The following MGAM variants were observed in gnomAD, a reference collection of about 807,000 sequenced individuals.
MGAM encodes alpha-1,4-glucosidase.
In MGAM, 253 loss-of-function variants were observed where a neutral mutation model predicts 358.8. That is an observed-to-expected ratio of 0.71 (90% CI 0.64 to 0.78). The LOEUF (loss-of-function observed/expected upper bound fraction) is 0.78. MGAM is among the 30% of genes least tolerant of loss of function. The pLI is 0.00. For synonymous variants in MGAM, 1,105 were observed against 1,227.1 expected (o/e 0.90, Z 2.08); for missense variants, 3,080 against 3,432.6 (o/e 0.90, Z 2.57).
At chr7:142,058,119 C>A in intron 30 of MGAM, 84 bp from the exon 31 acceptor site, 1 of 1,589,154 alleles carries the variant, frequency 6.3e-7, no homozygotes, top group Non-Finnish European at 8.6e-7. Flanking sequence ...GCTTGGGGCA[C>A]AGAAAAATAT....
chr7:142,076,048 T>C (rs577418451), intron 45 of MGAM, among the ~76,000 whole-genome samples, 155 bp from the exon 46 acceptor site: 14 of 146,444 alleles, frequency 9.6e-5, no homozygotes, highest in African/African-American at 3.4e-4. Context: ...AAGTATACAT[T>C]GATGAATGAA....
At chr7:142,098,457 C>T in intron 66 of MGAM, among the ~76,000 whole-genome samples, 1 of 152,030 alleles carries the variant, frequency 6.6e-6, no homozygotes, top group Non-Finnish European at 1.5e-5. Context: ...CAAAGGGGTA[C>T]AAGCAGGGAT....
At chr7:142,003,956 T>A (rs1313725271) in intron 1 of MGAM, among the ~76,000 whole-genome samples, 5 of 151,928 alleles carry the variant, frequency 3.3e-5, no homozygotes, top group Admixed American at 3.3e-4. Context: ...ACATCACTAA[T>A]CATCAGAGAA....
chr7:142,105,806 C>T lies in MGAM; in HGVS notation c.8185-8C>T, dbSNP rs1816816733. 6.2e-7 allele frequency: 1 copy of T among 1,609,924 alleles called. No homozygotes were observed. Among genetic ancestry groups the T allele is most frequent in the South Asian group, 1.1e-5 (1 of 90,796 alleles). On this transcript the variant is annotated splice_polypyrimidine_tract_variant and splice_region_variant and intron_variant, in intron 70 of 70. Coordinates refer to ENST00000475668, the MANE Select transcript of MGAM (RefSeq NM_001365693.1). ...GATGCCCAATTCTTTTCCTTTGGTTCCTAACAGGTATTAAGCATCGATGTG... is the reference window on the plus strand; with the variant it reads ...GATGCCCAATTCTTTTCCTTTGGTTTCTAACAGGTATTAAGCATCGATGTG...
chr7:142,046,405 C>T (rs1435003771), intron 21 of MGAM, among the ~76,000 whole-genome samples: 2 of 151,808 alleles, frequency 1.3e-5, no homozygotes, highest in South Asian at 2.1e-4. Context: ...GGGTCTCATT[C>T]CTCCAGAGAT....
chr7:142,043,472 C>A (rs1223818679), intron 21 of MGAM, among the ~76,000 whole-genome samples: 1 of 63,054 alleles, frequency 1.6e-5, no homozygotes, highest in Non-Finnish European at 2.7e-5. Flanking sequence ...ATTATATATA[C>A]ATATAATATC....
chr7:142,043,930 TATACACATAC>T (rs1237040279), intron 21 of MGAM, among the ~76,000 whole-genome samples: 1 of 119,782 alleles, frequency 8.3e-6, no homozygotes, highest in African/African-American at 3.7e-5. Context: ...ATATACATTA[TATACACATAC>T]GACGTTTAAT....
chr7:142,054,349 T>A (rs573319521), intron 26 of MGAM, among the ~76,000 whole-genome samples: 1 of 152,346 alleles, frequency 6.6e-6, no homozygotes, highest in East Asian at 1.9e-4. Context: ...AGATACCACT[T>A]TCAGCAAGGA....
intron 17 of MGAM, 139 bp from the exon 18 acceptor site, chr7:142,036,684 T>A (rs1554465946): frequency 2.3e-6 from 2 of 862,592 alleles, no homozygotes; most frequent in Non-Finnish European, 3.6e-6. Context: ...TTGGTACTAC[T>A]CAGAAGCGAG....
At chr7:142,032,552 A>G (rs1021057348) in intron 13 of MGAM, among the ~76,000 whole-genome samples, 1 of 152,128 alleles carries the variant, frequency 6.6e-6, no homozygotes, top group African/African-American at 2.4e-5. Flanking sequence ...GAAACATGTC[A>G]TCATATAAAT....
chr7:142,092,843 T>C (rs961066724), intron 59 of MGAM, among the ~76,000 whole-genome samples: 3 of 146,612 alleles, frequency 2.0e-5, no homozygotes, highest in African/African-American at 7.3e-5. Flanking sequence ...TTACGAGTGG[T>C]CATGCCACCA....
At chr7:142,005,805 A>G (rs1464268922) in intron 2 of MGAM, 148 bp downstream of exon 2, 21 of 684,616 alleles carry the variant, frequency 3.1e-5, no homozygotes, top group Non-Finnish European at 4.2e-5. Flanking sequence ...TGTTTTGGAC[A>G]GCTCAGTAGA....
At chr7:142,059,313 T>C in intron 31 of MGAM, among the ~76,000 whole-genome samples, 159 bp from the exon 32 acceptor site, 1 of 152,210 alleles carries the variant, frequency 6.6e-6, no homozygotes, top group Non-Finnish European at 1.5e-5. Context: ...AAATTAAGTG[T>C]ATTTCCCAGC....
intron 69 of MGAM, among the ~76,000 whole-genome samples, 160 bp downstream of exon 69, chr7:142,102,839 T>C (rs555599358): frequency 6.6e-6 from 1 of 152,306 alleles, no homozygotes; most frequent in East Asian, 1.9e-4. Flanking sequence ...TTTACTATGC[T>C]CCCAGGAGGC....
chr7:142,034,673 T>A lies in MGAM; in HGVS notation c.1791T>A (p.Ala597=), dbSNP rs1554465116. Reference sequence around the variant, plus strand: ...CTTAAATCTCTCTCCCTTGCAGAGCTGCCAAGACTGTGTTCCCTAATAAGA... The same window carrying A: ...CTTAAATCTCTCTCCCTTGCAGAGCAGCCAAGACTGTGTTCCCTAATAAGA... The part of the protein sequence containing the change: ...GYSMAVATAE[A]AKTVFPNKRS... The change falls in exon 16 of 71, where the codon GCT becomes GCA. Residue 597 remains alanine (A), a synonymous_variant. Coordinates refer to ENST00000475668, the MANE Select transcript of MGAM (RefSeq NM_001365693.1). 1 of 1,613,034 alleles carries A rather than the reference T, an allele frequency of 6.2e-7. No individual in the cohort carries two copies. Among genetic ancestry groups the A allele is most frequent in the East Asian group, 2.2e-5 (1 of 44,806 alleles).
chr7:142,061,104 A>T (rs1021866939), intron 34 of MGAM, among the ~76,000 whole-genome samples: 7 of 152,170 alleles, frequency 4.6e-5, no homozygotes, highest in East Asian at 3.9e-4. Flanking sequence ...CCACAAGGCA[A>T]GAGTTGAATA....
At chr7:141,999,208 T>A (rs1301328341) in intron 1 of MGAM, among the ~76,000 whole-genome samples, 1 of 152,196 alleles carries the variant, frequency 6.6e-6, no homozygotes, top group Non-Finnish European at 1.5e-5. Context: ...GCAGATTTCT[T>A]TCTTCCAGAG....
In MGAM at chr7:142,036,992, C is replaced by A; in HGVS notation, c.2231+15C>A. On this transcript the variant is annotated intron_variant, in intron 18 of 70. Transcript: ENST00000475668. ...CTTTTGCATGAGTAAGTTCACCTAA[C>A]CTCCTTAAATTTTATTAATGCATCT... The A allele has an allele frequency of 6.2e-7, 1 of 1,608,094 alleles. No individual in the cohort carries two copies. The highest frequency in any genetic ancestry group is 8.5e-7 in the Non-Finnish European group (1 of 1,177,180).
At chr7:142,095,190 C>T (rs1815782464) in intron 63 of MGAM, among the ~76,000 whole-genome samples, 1 of 152,136 alleles carries the variant, frequency 6.6e-6, no homozygotes, top group South Asian at 2.1e-4. Flanking sequence ...GTCTCGAACT[C>T]GTGGCCTCAG....
Sources: allele counts gnomAD v4.1 joint callset (sites outside exome capture counted in the v4.1 genomes callset), GRCh38; gene constraint gnomAD v4.1.1; transcripts MANE v1.5; gene names NCBI Gene and HGNC (gene_info 2026-07-23, HGNC 2026-07-21).